ADGRB3: variants seen among roughly 807,000 people sequenced by gnomAD.
ADGRB3 encodes adhesion G protein-coupled receptor B3.
In ADGRB3, 37 loss-of-function variants were observed where a neutral mutation model predicts 193.4. The ratio of observed to expected loss-of-function variants is 0.19; its 90% CI spans 0.15 to 0.25. The LOEUF is 0.25. ADGRB3 is among the 10% of genes least tolerant of loss of function. ADGRB3 has a pLI of 1.00. For synonymous variants in ADGRB3, 690 were observed against 644.2 expected (o/e 1.07, Z -1.08); for missense variants, 1,637 against 1,852.9 (o/e 0.88, Z 2.14).
intron 17 of ADGRB3, among the ~76,000 whole-genome samples, chr6:69,174,750 CAT>C (rs1388633372): frequency 6.6e-5 from 10 of 152,282 alleles, no homozygotes; most frequent in Admixed American, 5.9e-4. Flanking sequence ...CTCTTTTCTC[CAT>C]AGACTCACCA....
chr6:68,713,660 C>T (rs375017595), intron 3 of ADGRB3, among the ~76,000 whole-genome samples: 96 of 150,868 alleles, frequency 6.4e-4, no homozygotes, highest in African/African-American at 2.0e-3. Flanking sequence ...CTCTTTTTGC[C>T]CCTACATTGT....
intron 20 of ADGRB3, among the ~76,000 whole-genome samples, chr6:69,277,909 G>A (rs1179634318): frequency 6.6e-6 from 1 of 152,150 alleles, no homozygotes; most frequent in African/African-American, 2.4e-5. Context: ...GCTTTGAAAA[G>A]TATCTGGCAC....
intron 17 of ADGRB3, among the ~76,000 whole-genome samples, chr6:69,082,566 A>G (rs1424110028): frequency 6.6e-6 from 1 of 152,028 alleles, no homozygotes; most frequent in East Asian, 1.9e-4. Context: ...AATTATCCAT[A>G]GAGTTTTAAA....
chr6:69,243,511 A>T (rs917519139), intron 20 of ADGRB3, among the ~76,000 whole-genome samples: 1 of 150,094 alleles, frequency 6.7e-6, no homozygotes, highest in African/African-American at 2.4e-5. Flanking sequence ...TCGCTAAAAG[A>T]TATGGGATAT....
At chr6:68,836,463 G>A (rs1200792343) in intron 3 of ADGRB3, among the ~76,000 whole-genome samples, 1 of 152,014 alleles carries the variant, frequency 6.6e-6, no homozygotes, top group African/African-American at 2.4e-5. Context: ...TTGTATTCTT[G>A]TTGGTTAGTT....
At chr6:68,652,447 T>G (rs1205416973) in intron 3 of ADGRB3, among the ~76,000 whole-genome samples, 3 of 152,102 alleles carry the variant, frequency 2.0e-5, no homozygotes, top group Admixed American at 1.3e-4. Context: ...TGAGGCCCCC[T>G]GTTGGACATC....
At chr6:69,374,213 T>TA (rs1056722525) in intron 30 of ADGRB3, among the ~76,000 whole-genome samples, 11 of 152,090 alleles carry the variant, frequency 7.2e-5, no homozygotes, top group African/African-American at 2.7e-4. Flanking sequence ...CTATTTCCCT[T>TA]AGTCTCATGT....
chr6:68,814,767 A>G (rs933870924), intron 3 of ADGRB3, among the ~76,000 whole-genome samples: 4 of 123,512 alleles, frequency 3.2e-5, no homozygotes, highest in Admixed American at 7.5e-5. Context: ...ATCCAGCAGC[A>G]CATCAAAAAG....
chr6:68,653,052 G>A (rs1768404456), intron 3 of ADGRB3, among the ~76,000 whole-genome samples: 1 of 152,112 alleles, frequency 6.6e-6, no homozygotes, highest in South Asian at 2.1e-4. Flanking sequence ...AATGAGTTGT[G>A]AGCAAAAGTG....
At chr6:69,280,122 A>G (rs1366673260) in intron 20 of ADGRB3, among the ~76,000 whole-genome samples, 2 of 152,110 alleles carry the variant, frequency 1.3e-5, no homozygotes, top group African/African-American at 2.4e-5. Context: ...GCAAAAATAT[A>G]TGTTTCTGGT....
intron 17 of ADGRB3, among the ~76,000 whole-genome samples, chr6:69,085,818 T>C (rs1245678133): frequency 6.6e-6 from 1 of 151,704 alleles, no homozygotes; most frequent in South Asian, 2.1e-4. Flanking sequence ...TACTAATATA[T>C]TTATCTAATT....
chr6:69,100,933 G>C (rs1178103249), intron 17 of ADGRB3, among the ~76,000 whole-genome samples: 5 of 8,654 alleles, frequency 5.8e-4, no homozygotes, highest in Admixed American at 9.7e-4. Flanking sequence ...AAGGAGGGAG[G>C]GAGGGAAGGA....
chr6:68,795,906 ATACT>A (rs1268951975), intron 3 of ADGRB3, among the ~76,000 whole-genome samples: 4 of 152,102 alleles, frequency 2.6e-5, no homozygotes, highest in Non-Finnish European at 4.4e-5. Flanking sequence ...TGCAGACTTC[ATACT>A]TACTGTGTCT....
intron 17 of ADGRB3, among the ~76,000 whole-genome samples, chr6:69,141,135 G>T (rs1554153911): frequency 1.4e-5 from 2 of 138,778 alleles, no homozygotes; most frequent in Admixed American, 7.3e-5. Context: ...TTTTGGGGGG[G>T]GCGGTGGGGA....
At chr6:68,875,374 G>A (rs1035116367) in intron 3 of ADGRB3, among the ~76,000 whole-genome samples, 1 of 144,088 alleles carries the variant, frequency 6.9e-6, no homozygotes, top group East Asian at 2.0e-4. Flanking sequence ...TGATATATTT[G>A]GTAAGGTTAA....
chr6:68,947,961 T>A (rs1177479448), intron 6 of ADGRB3, among the ~76,000 whole-genome samples: 1 of 151,710 alleles, frequency 6.6e-6, no homozygotes, highest in Non-Finnish European at 1.5e-5. Context: ...AGCAATGGAG[T>A]GTTTGAATTA....
At chr6:68,769,734 T>A (rs1766579420) in intron 3 of ADGRB3, among the ~76,000 whole-genome samples, 1 of 152,130 alleles carries the variant, frequency 6.6e-6, no homozygotes, top group Non-Finnish European at 1.5e-5. Flanking sequence ...TTTGAGATTC[T>A]TTAAGTTAAA....
At chr6:69,241,760 A>G (rs1226897765) in intron 20 of ADGRB3, among the ~76,000 whole-genome samples, 1 of 152,000 alleles carries the variant, frequency 6.6e-6, no homozygotes, top group Admixed American at 6.6e-5. Context: ...AATAGCTTCT[A>G]TGTAGTTTTG....
At chr6:69,024,592 T>C (rs989041608) in intron 13 of ADGRB3, among the ~76,000 whole-genome samples, 3 of 152,198 alleles carry the variant, frequency 2.0e-5, no homozygotes, top group African/African-American at 7.2e-5. Context: ...CTAAATAAGA[T>C]CTTCAAATAC....
Sources: gnomAD v4.1 joint callset for allele counts (sites outside exome capture counted in the v4.1 genomes callset) on GRCh38, gnomAD v4.1.1 for gene constraint, MANE v1.5 for transcripts, NCBI Gene and HGNC (gene_info 2026-07-23, HGNC 2026-07-21) for gene names.